P4HA3: variants seen among roughly 807,000 people sequenced by gnomAD.
P4HA3 encodes the protein prolyl 4-hydroxylase subunit alpha-3.
P4HA3 carries 60 observed loss-of-function variants against 66.7 expected under a neutral mutation model. The ratio of observed to expected loss-of-function variants is 0.90; its 90% confidence interval spans 0.73 to 1.12. P4HA3 has a LOEUF of 1.12. Ranked by LOEUF, P4HA3 falls within the 50% of genes most tolerant of loss-of-function variation. The pLI is 0.00. For synonymous variants in P4HA3, 263 were observed against 274.6 expected, an observed-to-expected ratio of 0.96 and a Z score of 0.42; for missense variants, 683 against 685.8, an observed-to-expected ratio of 1.00 and a Z score of 0.05.
chr11:74,279,998 A>C (rs1860535771), intron 7 of P4HA3, among the ~76,000 whole-genome samples: 2 of 152,190 alleles, frequency 1.3e-5, no homozygotes, highest in African/African-American at 4.8e-5. Context: ...TTTTTTAAAA[A>C]ATTGATATAT....
At chr11:74,254,908 G>T (rs1219354480) in intron 15 of P4HA3, among the ~76,000 whole-genome samples, 1 of 152,128 alleles carries the variant, frequency 6.6e-6, no homozygotes, top group East Asian at 1.9e-4. Flanking sequence ...TGGGATTCCA[G>T]TCCCATCTCT....
intron 10 of P4HA3, among the ~76,000 whole-genome samples, chr11:74,272,877 G>A (rs999610301): frequency 6.6e-6 from 1 of 152,156 alleles, no homozygotes; most frequent in Non-Finnish European, 1.5e-5. Flanking sequence ...CCATAGAGAC[G>A]AAAGTAAACC....
At chr11:74,269,397 G>A (rs1459408313) in intron 11 of P4HA3, among the ~76,000 whole-genome samples, 1 of 152,222 alleles carries the variant, frequency 6.6e-6, no homozygotes, top group Non-Finnish European at 1.5e-5. Context: ...GAGCTGTACT[G>A]TGACAGGGAA....
At chr11:74,251,520 C>A (rs1591073971) in intron 15 of P4HA3, 1 of 1,474,718 alleles carries the variant, frequency 6.8e-7, no homozygotes, top group South Asian at 1.4e-5. Flanking sequence ...CTTTTAATTT[C>A]AAGCCACTCA....
Position 74,286,330 on chromosome 11 carries a change from G to A in P4HA3, c.831C>T (p.Ser277=). The A allele has an allele frequency of 6.2e-7, 1 of 1,604,456 alleles. No homozygotes were observed. The highest frequency in any genetic ancestry group is 8.5e-7 in the Non-Finnish European group (1 of 1,176,516). Reference sequence around the variant, plus strand: ...CAGCCTCAGCTACCACGTGGTTGGGGCTCTCTGCCAAGAGCCTTTCATATT... The same window carrying A: ...CAGCCTCAGCTACCACGTGGTTGGGACTCTCTGCCAAGAGCCTTTCATATT... The part of the protein sequence containing the change: ...VLKYERLLAE[S]PNHVVAEAVI... The change falls in exon 6 of 13, where the codon AGC becomes AGT. Residue 277 remains serine (S), a synonymous_variant. Transcript: ENST00000331597.
chr11:74,294,554 G>GT (rs1008296894), intron 4 of P4HA3, among the ~76,000 whole-genome samples: 2 of 152,158 alleles, frequency 1.3e-5, no homozygotes, highest in African/African-American at 4.8e-5. Flanking sequence ...TTTCTGCTCT[G>GT]TTTTTTCCCC....
In P4HA3 at chr11:74,291,748, T is replaced by C. The variant is rs529188383; in HGVS notation, c.718-2618A>G. 1.2e-4 allele frequency among the ~76,000 whole-genome samples: 18 copies of C among 152,392 alleles called. No homozygotes were observed. In the East Asian group the frequency reaches 1.3e-3, roughly 11 times the overall value. On this transcript the variant is annotated intron_variant, in intron 4 of 12. Transcript: ENST00000331597. ...TTCTTTTTATATGTTGGATTACATT[T>C]ACTGATTTGCATATGTTGAATCAGC...
chr11:74,294,109 C>T (rs1434055178), intron 4 of P4HA3, among the ~76,000 whole-genome samples: 1 of 152,210 alleles, frequency 6.6e-6, no homozygotes, highest in African/African-American at 2.4e-5. Flanking sequence ...TTGGTCTTTT[C>T]ACATAGTCCC....
At chr11:74,253,083 G>A (rs146354380) in intron 15 of P4HA3, among the ~76,000 whole-genome samples, 5 of 152,292 alleles carry the variant, frequency 3.3e-5, no homozygotes, top group East Asian at 3.9e-4. Context: ...TGGCTTCTGC[G>A]TTAGAGAACT....
At chr11:74,275,703 A>G (rs1860371069) in intron 9 of P4HA3, among the ~76,000 whole-genome samples, 1 of 152,232 alleles carries the variant, frequency 6.6e-6, no homozygotes, top group South Asian at 2.1e-4. Flanking sequence ...GCTAATTTCT[A>G]CAAAAATAAA....
intron 15 of P4HA3, chr11:74,251,784 A>T: frequency 6.3e-7 from 1 of 1,575,660 alleles, no homozygotes; most frequent in Admixed American, 1.7e-5. Flanking sequence ...CACTTGTAGG[A>T]CTGTAAATAT....
chr11:74,251,963 C>G (rs971447882), intron 15 of P4HA3: 6 of 691,484 alleles, frequency 8.7e-6, no homozygotes, highest in Non-Finnish European at 1.6e-5. Flanking sequence ...TCACTCCCCA[C>G]TGTGATGTGC....
At chr11:74,297,513 CGGGTGGGA>C (rs1214830099) in intron 4 of P4HA3, among the ~76,000 whole-genome samples, 1 of 152,132 alleles carries the variant, frequency 6.6e-6, no homozygotes, top group African/African-American at 2.4e-5. Flanking sequence ...CTGTACAACT[CGGGTGGGA>C]AATGGGGTTA....
At position 74,285,689 on chromosome 11, in the gene P4HA3, ATTCTGAACTCCT is replaced by A. The variant is rs142516909; in HGVS notation, c.1110+108_1110+119del. The A allele has an allele frequency of 1.1e-3, 1,191 of 1,096,216 alleles. 17 individuals are homozygous for A. The East Asian group carries it at 0.027, about 25-fold the overall frequency. 67.9% of individuals were successfully genotyped at this position (1,096,216 alleles called of 1,614,324 possible). ...GGACTAGTTTTATGGAATGGTTGGC[ATTCTGAACTCCT>A]TGGCTCTTTGAGGTGTCTAGTTGTT... On this transcript the variant is annotated intron_variant, in intron 7 of 12. Coordinates refer to ENST00000331597, the MANE Select transcript of P4HA3 (RefSeq NM_182904.5).
chr11:74,253,557 C>G, intron 15 of P4HA3: 13 of 1,568,302 alleles, frequency 8.3e-6, no homozygotes, highest in Non-Finnish European at 1.1e-5. Context: ...GTTGTAAATA[C>G]GTCGCACCAG....
intron 10 of P4HA3, among the ~76,000 whole-genome samples, chr11:74,270,651 T>C (rs1860164231): frequency 1.3e-5 from 2 of 152,190 alleles, no homozygotes; most frequent in Non-Finnish European, 2.9e-5. Context: ...TTACAATCGT[T>C]ATTATTTTTA....
At chr11:74,279,008 T>G (rs1478157875) in intron 8 of P4HA3, among the ~76,000 whole-genome samples, 2 of 152,206 alleles carry the variant, frequency 1.3e-5, no homozygotes, top group African/African-American at 4.8e-5. Flanking sequence ...GGTCTCATTC[T>G]TGGCAAGTCA....
chr11:74,259,199 C>G (rs1400212970), intron 15 of P4HA3, among the ~76,000 whole-genome samples: 1 of 152,060 alleles, frequency 6.6e-6, no homozygotes, highest in African/African-American at 2.4e-5. Flanking sequence ...GCCAACATGG[C>G]GAAACCCCGT....
intron 4 of P4HA3, among the ~76,000 whole-genome samples, chr11:74,295,531 T>G (rs745432343): frequency 2.0e-5 from 3 of 152,198 alleles, no homozygotes; most frequent in African/African-American, 7.2e-5. Context: ...ATGAAACATA[T>G]GAGAAATGGA....
Sources: gnomAD v4.1 joint callset for allele counts (sites outside exome capture counted in the v4.1 genomes callset) on GRCh38, gnomAD v4.1.1 for gene constraint, MANE v1.5 for transcripts, NCBI Gene and HGNC (gene_info 2026-07-23, HGNC 2026-07-21) for gene names.